BACE2: variants seen among roughly 807,000 people sequenced by gnomAD.
BACE2 encodes 56 kDa aspartic-like protease.
BACE2 carries 17 observed loss-of-function variants against 46.2 expected under a neutral mutation model. The observed-to-expected ratio is 0.37, with a 90% CI of 0.25 to 0.55. The LOEUF (loss-of-function observed/expected upper bound fraction) is 0.55, where lower values mean the gene tolerates loss of function less well. Among genes scored for constraint, BACE2 ranks in the 20% least tolerant of loss-of-function variants. The pLI, the probability that BACE2 is intolerant of heterozygous loss-of-function variation, is 0.82. For synonymous variants in BACE2, 277 were observed against 295.9 expected (o/e 0.94, Z 0.66); for missense variants, 595 against 698.1 (o/e 0.85, Z 1.66).
intron 6 of BACE2, among the ~76,000 whole-genome samples, chr21:41,250,034 G>A (rs192768968): frequency 3.6e-4 from 55 of 152,282 alleles, no homozygotes; most frequent in African/African-American, 1.3e-3. Flanking sequence ...GGGCTGCAGC[G>A]GGGGCCAGGC....
At chr21:41,271,083 T>A (rs2088429810) in intron 8 of BACE2, among the ~76,000 whole-genome samples, 1 of 152,252 alleles carries the variant, frequency 6.6e-6, no homozygotes. Flanking sequence ...ATTTTTTTGA[T>A]CTGTATCTAT....
At chr21:41,247,286 G>A (rs563237765) in intron 6 of BACE2, among the ~76,000 whole-genome samples, 1 of 152,230 alleles carries the variant, frequency 6.6e-6, no homozygotes, top group South Asian at 2.1e-4. Flanking sequence ...GGGGGAATAG[G>A]CAGGAAAGGA....
In BACE2 at chr21:41,237,650, T is replaced by C; in HGVS notation, c.539T>C (p.Ile180Thr). ...TCTTTTCTTGTCAACATTGCCACTA[T>C]TTTTGAATCAGAGAATTTCTTTTTG... Reference protein sequence around the residue: ...NTSFLVNIATIFESENFFLPG... With the variant: ...NTSFLVNIATTFESENFFLPG... Residue 180 changes from isoleucine (I) to threonine (T), a missense_variant, in exon 3 of 9, where the codon ATT (isoleucine) becomes ACT (threonine). Physicochemically the swap from Ile to Thr is moderately conservative, Grantham distance 89. Around this residue, in one of 3 missense-constraint regions of BACE2, gnomAD observed 248 missense variants for 261.4 expected, o/e 0.95. Transcript: ENST00000330333. 3 of 1,614,200 alleles carry C rather than the reference T, an allele frequency of 1.9e-6. No homozygotes were observed. The highest frequency in any genetic ancestry group is 2.5e-6 in the Non-Finnish European group (3 of 1,180,014).
intron 8 of BACE2, among the ~76,000 whole-genome samples, chr21:41,264,902 T>C (rs1211821776): frequency 6.6e-5 from 10 of 152,134 alleles, no homozygotes; most frequent in Admixed American, 6.5e-4. Context: ...GAAGATCACT[T>C]GAGGCCAGGA....
rs749507948 is a variant in BACE2, at chr21:41,257,164, A to T, written c.1141A>T (p.Ile381Phe). 6.2e-7 allele frequency: 1 copy of T among 1,614,170 alleles called. No individual in the cohort carries two copies. Among genetic ancestry groups the T allele is most frequent in the South Asian group, 1.1e-5 (1 of 91,078 alleles). ...FRITILPQLYIQPMMGAGLNY... is the reference protein window; with the variant it reads ...FRITILPQLYFQPMMGAGLNY... ...TCTCCTCTCCGACAAACAGCTTTAC[A>T]TTCAGCCCATGATGGGGGCCGGCCT... The change falls in exon 8 of 9, where the codon ATT becomes TTT. Residue 381 changes from isoleucine (I) to phenylalanine (F), a missense_variant. By Grantham distance (21) the Ile-to-Phe change is conservative. Coordinates refer to ENST00000330333, the MANE Select transcript of BACE2 (RefSeq NM_012105.5).
intron 1 of BACE2, among the ~76,000 whole-genome samples, chr21:41,207,945 C>T (rs889238626): frequency 1.3e-5 from 2 of 152,238 alleles, no homozygotes; most frequent in African/African-American, 4.8e-5. Context: ...GCATGCTGCT[C>T]TGTGGCCCCG....
At position 41,278,795 on chromosome 21, in the gene BACE2, TG is replaced by T. The variant is rs2088515985; in HGVS notation, c.*3172del. On this transcript the variant is annotated 3_prime_UTR_variant, in exon 9 of 9. Transcript: ENST00000330333. The stretch of plus-strand genomic sequence containing the variant: ...GTCCCTGCTTGGTGGAGCTGCCACG[TG>T]TGGTTCAGTTCTAAGTTCTGGACTA... 1 of 152,148 alleles carries T rather than the reference TG, an allele frequency of 6.6e-6. No homozygotes were observed. Among genetic ancestry groups the T allele is most frequent in the South Asian group, 2.1e-4 (1 of 4,836 alleles). 9.4% of individuals were successfully genotyped at this position (152,148 alleles called of 1,614,324 possible).
At chr21:41,202,078 T>C (rs1568865921) in intron 1 of BACE2, among the ~76,000 whole-genome samples, 1 of 152,250 alleles carries the variant, frequency 6.6e-6, no homozygotes, top group Non-Finnish European at 1.5e-5. Context: ...TGTGAAATCA[T>C]GTAAGACAGT....
chr21:41,207,203 A>G (rs1206521826), intron 1 of BACE2, among the ~76,000 whole-genome samples: 2 of 152,256 alleles, frequency 1.3e-5, no homozygotes, highest in African/African-American at 4.8e-5. Context: ...TGGGAAATGC[A>G]TAATGGGTTC....
intron 8 of BACE2, among the ~76,000 whole-genome samples, chr21:41,265,368 T>C (rs1988042684): frequency 6.6e-6 from 1 of 152,228 alleles, no homozygotes; most frequent in Non-Finnish European, 1.5e-5. Context: ...AATTGCTGAG[T>C]TAAAAGGTAT....
chr21:41,195,814 G>A (rs1255717371), intron 1 of BACE2, among the ~76,000 whole-genome samples: 1 of 152,200 alleles, frequency 6.6e-6, no homozygotes, highest in Admixed American at 6.5e-5. Flanking sequence ...TTCGAAAAAT[G>A]TAGACTTTGT....
chr21:41,215,769 A>G (rs1568871114), intron 1 of BACE2, among the ~76,000 whole-genome samples: 1 of 152,198 alleles, frequency 6.6e-6, no homozygotes, highest in African/African-American at 2.4e-5. Flanking sequence ...TGTCTATCGT[A>G]TGAGCTTTTG....
chr21:41,245,820 G>GA, intron 5 of BACE2, 142 bp from the exon 6 acceptor site: 1 of 557,488 alleles, frequency 1.8e-6, no homozygotes. Context: ...CTGAGAACAT[G>GA]AATGAACTAC....
At chr21:41,251,538 C>A (rs892936410) in intron 7 of BACE2, among the ~76,000 whole-genome samples, 1 of 152,206 alleles carries the variant, frequency 6.6e-6, no homozygotes, top group African/African-American at 2.4e-5. Context: ...CGGTGGCTCA[C>A]GCCTGTAATC....
At position 41,275,663 on chromosome 21, in the gene BACE2, A is replaced by G. The variant is rs2088480332; in HGVS notation, c.*39A>G. ...ACCTCAAGCAACCATGAACTCAGCT[A>G]TTAAGAAAATCACATTTCCAGGGCA... On this transcript the variant is annotated 3_prime_UTR_variant, in exon 9 of 9. Transcript: ENST00000330333. 2.5e-6 allele frequency: 4 copies of G among 1,601,684 alleles called. No homozygotes were observed. The highest frequency in any genetic ancestry group is 3.4e-6 in the Non-Finnish European group (4 of 1,171,710).
At position 41,168,325 on chromosome 21, in the gene BACE2, C is replaced by T. The variant is rs1314306462; in HGVS notation, c.62C>T (p.Ala21Val). ...CTGGCCCAGTGGCTCCTGCGCGCCG[C>T]CCCGGAGCTGGCCCCCGCGCCCTTC... is the stretch of plus-strand genomic sequence containing the variant. ...PLLAQWLLRAAPELAPAPFTL... is the reference protein window; with the variant it reads ...PLLAQWLLRAVPELAPAPFTL... Residue 21 changes from alanine (A) to valine (V), a missense_variant, in exon 1 of 9, where the codon GCC (alanine) becomes GTC (valine). Coordinates refer to ENST00000330333, the MANE Select transcript of BACE2 (RefSeq NM_012105.5). 14 of 1,346,410 alleles carry T rather than the reference C, an allele frequency of 1.0e-5. No individual in the cohort carries two copies. Among genetic ancestry groups the T allele is most frequent in the Non-Finnish European group, 1.3e-5 (14 of 1,047,992 alleles). The allele number at this position is 1,346,410 out of a possible 1,614,324, so 83.4% of individuals were successfully genotyped here.
intron 1 of BACE2, among the ~76,000 whole-genome samples, chr21:41,213,293 G>C (rs1268627268): frequency 6.6e-6 from 1 of 152,216 alleles, no homozygotes; most frequent in Non-Finnish European, 1.5e-5. Context: ...TCAGAGAGGA[G>C]TAAATCAGAG....
intron 3 of BACE2, among the ~76,000 whole-genome samples, chr21:41,238,244 G>A (rs1987182450): frequency 6.6e-6 from 1 of 152,206 alleles, no homozygotes; most frequent in South Asian, 2.1e-4. Flanking sequence ...GCCCTGGGGA[G>A]AGCCAGCCCT....
chr21:41,240,343 G>A lies in BACE2; in HGVS notation c.619-1476G>A, dbSNP rs1987250695. On this transcript the variant is annotated intron_variant, in intron 3 of 8. Coordinates refer to ENST00000330333, the MANE Select transcript of BACE2 (RefSeq NM_012105.5). ...GCTGAATCAGGTTCTCTCAGGGTTG[G>A]TTGTGGGCACCTGGATGCTTTTAAT... Among the ~76,000 whole-genome samples, 8 of 152,226 alleles carry A rather than the reference G, an allele frequency of 5.3e-5. No individual in the cohort carries two copies. In the South Asian group the frequency reaches 1.7e-3, roughly 32 times the overall value.
Sources: gnomAD v4.1 joint callset for allele counts (sites outside exome capture counted in the v4.1 genomes callset) on GRCh38, gnomAD v4.1.1 for gene constraint, gnomAD v4.1.1 regional missense constraint, MANE v1.5 for transcripts, NCBI Gene and HGNC (gene_info 2026-07-23, HGNC 2026-07-21) for gene names.